OXCT1: variants seen among roughly 807,000 people sequenced by gnomAD.
OXCT1 encodes 3-oxoacid CoA-transferase 1, also known as succinyl-CoA:3-ketoacid coenzyme A transferase 1, mitochondrial.
In OXCT1, 27 loss-of-function variants were observed where a neutral mutation model predicts 69.6. The ratio of observed to expected loss-of-function variants is 0.39; its 90% CI spans 0.29 to 0.54. The LOEUF (loss-of-function observed/expected upper bound fraction) is 0.54, where lower values mean the gene tolerates loss of function less well. Ranked by LOEUF, OXCT1 falls within the 20% of genes least tolerant of loss-of-function variation. OXCT1 has a pLI of 0.72. For missense variants in OXCT1, 437 were observed against 650.2 expected (o/e 0.67, Z 3.57); for synonymous variants, 202 against 217.8 (o/e 0.93, Z 0.64).
chr5:41,866,661 A>T (rs1170959680), intron 1 of OXCT1, among the ~76,000 whole-genome samples: 34 of 152,236 alleles, frequency 2.2e-4, no homozygotes, highest in Non-Finnish European at 4.6e-4. Context: ...CTTGAACTAA[A>T]CACTGCCAAT....
intron 14 of OXCT1, among the ~76,000 whole-genome samples, chr5:41,754,508 C>T (rs988951442): frequency 6.6e-6 from 1 of 152,028 alleles, no homozygotes; most frequent in African/African-American, 2.4e-5. Flanking sequence ...TATATCAAAA[C>T]ATCTCATGTA....
At chr5:41,797,853 C>T (rs1240513762) in intron 11 of OXCT1, among the ~76,000 whole-genome samples, 2 of 152,180 alleles carry the variant, frequency 1.3e-5, no homozygotes, top group Non-Finnish European at 2.9e-5. Flanking sequence ...GATGCTGACG[C>T]TGTGGGTCTG....
At chr5:41,765,107 C>A (rs1000209001) in intron 13 of OXCT1, among the ~76,000 whole-genome samples, 1 of 152,154 alleles carries the variant, frequency 6.6e-6, no homozygotes, top group Non-Finnish European at 1.5e-5. Flanking sequence ...ACAAGGCATA[C>A]TCCCTGACAT....
chr5:41,754,837 T>C (rs1268086079), intron 14 of OXCT1, among the ~76,000 whole-genome samples: 1 of 151,908 alleles, frequency 6.6e-6, no homozygotes, highest in Non-Finnish European at 1.5e-5. Context: ...TGGTTACAGG[T>C]ATATTCTCAA....
chr5:41,772,481 T>TA (rs576119283), intron 13 of OXCT1, among the ~76,000 whole-genome samples: 7 of 150,992 alleles, frequency 4.6e-5, no homozygotes, highest in South Asian at 2.1e-4. Context: ...TTTTAAAGGT[T>TA]AAAAAAAAAG....
chr5:41,866,022 A>AC (rs61504704), intron 1 of OXCT1, among the ~76,000 whole-genome samples: 21,486 of 116,064 alleles, frequency 0.19, 2,957 homozygotes, highest in Non-Finnish European at 0.27. Context: ...TGTACAGTAG[A>AC]CCCCCCCCCC....
At chr5:41,746,154 A>G (rs968916769) in intron 15 of OXCT1, among the ~76,000 whole-genome samples, 1 of 152,214 alleles carries the variant, frequency 6.6e-6, no homozygotes, top group African/African-American at 2.4e-5. Flanking sequence ...AATCCTCAAT[A>G]AAATACTGGC....
chr5:41,868,370 G>C (rs1029697668), intron 1 of OXCT1, among the ~76,000 whole-genome samples: 5 of 152,172 alleles, frequency 3.3e-5, no homozygotes, highest in African/African-American at 1.2e-4. Context: ...TGGTTGAGGA[G>C]ACAATATACA....
rs538288677 is a variant in OXCT1 at position 41,867,086 on chromosome 5, A to C, written c.78+3195T>G. Among the ~76,000 whole-genome samples the C allele has an allele frequency of 7.0e-4, 106 of 152,158 alleles. 1 individual carries two copies. The highest frequency in any genetic ancestry group is 2.5e-3 in the African/African-American group (105 of 41,518). ...GAGTTTCTTTTTTCTTTTCTTTTTA[A>C]TTTTTTTATTTCCATAGGTTTTTGG... On this transcript the variant is annotated intron_variant, in intron 1 of 16. Coordinates refer to ENST00000196371, the MANE Select transcript of OXCT1 (RefSeq NM_000436.4).
intron 7 of OXCT1, among the ~76,000 whole-genome samples, chr5:41,809,177 C>A (rs1229161248): frequency 6.6e-6 from 1 of 151,872 alleles, no homozygotes; most frequent in Non-Finnish European, 1.5e-5. Context: ...TATTTATATA[C>A]CTACAGAAAA....
intron 1 of OXCT1, among the ~76,000 whole-genome samples, chr5:41,866,648 C>T (rs1247919707): frequency 1.3e-5 from 2 of 152,216 alleles, no homozygotes; most frequent in East Asian, 3.8e-4. Flanking sequence ...GTAGAATTTT[C>T]ACCTTGAACT....
chr5:41,737,986 C>T (rs576457289), intron 16 of OXCT1, among the ~76,000 whole-genome samples: 5 of 151,946 alleles, frequency 3.3e-5, no homozygotes, highest in South Asian at 2.1e-4. Flanking sequence ...ACCTGGGAGG[C>T]GGAGCTTGCA....
At chr5:41,856,474 C>G (rs890497910) in intron 3 of OXCT1, among the ~76,000 whole-genome samples, 1 of 152,158 alleles carries the variant, frequency 6.6e-6, no homozygotes, top group Non-Finnish European at 1.5e-5. Flanking sequence ...CTTCATTCCA[C>G]TCTCCACTCT....
intron 13 of OXCT1, among the ~76,000 whole-genome samples, chr5:41,780,860 T>G (rs964920401): frequency 6.6e-6 from 1 of 152,174 alleles, no homozygotes; most frequent in Non-Finnish European, 1.5e-5. Flanking sequence ...AACCAAAATA[T>G]TTCATGTTTC....
intron 7 of OXCT1, among the ~76,000 whole-genome samples, chr5:41,824,249 A>G (rs1482061580): frequency 6.6e-6 from 1 of 152,222 alleles, no homozygotes; most frequent in Non-Finnish European, 1.5e-5. Flanking sequence ...TCACTGGGTT[A>G]CTATAAAGTG....
intron 7 of OXCT1, among the ~76,000 whole-genome samples, chr5:41,819,590 G>T (rs768460957): frequency 6.6e-6 from 1 of 151,410 alleles, no homozygotes; most frequent in South Asian, 2.1e-4. Flanking sequence ...GGCTGGTCTC[G>T]AACTCCTTAC....
intron 6 of OXCT1, among the ~76,000 whole-genome samples, chr5:41,841,835 G>A (rs1259232973): frequency 1.3e-5 from 2 of 152,128 alleles, no homozygotes; most frequent in Middle Eastern, 3.2e-3. Flanking sequence ...AAATCAAAGA[G>A]CATTAATATC....
At chr5:41,750,135 G>GTTTTTTTTTTT (rs11291155) in intron 14 of OXCT1, among the ~76,000 whole-genome samples, 87 of 73,918 alleles carry the variant, frequency 1.2e-3, no homozygotes, top group Non-Finnish European at 1.3e-3. Context: ...GTGTTTTTTG[G>GTTTTTTTTTTT]TTTTTTTTTT....
chr5:41,861,272 G>C (rs746303307), intron 3 of OXCT1, 42 bp downstream of exon 3: 1 of 1,176,516 alleles, frequency 8.5e-7, no homozygotes, highest in Non-Finnish European at 1.3e-6. Context: ...ATTAAGAATT[G>C]GCATTTCTCT....
Sources: gnomAD v4.1 joint callset for allele counts (sites outside exome capture counted in the v4.1 genomes callset) on GRCh38, gnomAD v4.1.1 for gene constraint, MANE v1.5 for transcripts, NCBI Gene and HGNC (gene_info 2026-07-23, HGNC 2026-07-21) for gene names.